DNAH14: variants seen among roughly 807,000 people sequenced by gnomAD.
DNAH14 encodes the protein dynein axonemal heavy chain 14.
Under a neutral mutation model 520.9 loss-of-function variants are expected in DNAH14, and 478 were observed. The observed-to-expected ratio is 0.92, with a 90% CI of 0.85 to 0.99. The LOEUF is 0.99. DNAH14 is among the 50% of genes least tolerant of loss of function. The pLI is 0.00. For missense variants in DNAH14, 4,831 were observed against 5,234.5 expected, an observed-to-expected ratio of 0.92 and a Z score of 2.38; for synonymous variants, 1,581 against 1,757.2, an observed-to-expected ratio of 0.90 and a Z score of 2.51.
chr1:225,175,143 G>A (rs769946239), intron 36 of DNAH14, among the ~76,000 whole-genome samples: 21 of 151,890 alleles, frequency 1.4e-4, no homozygotes, highest in Non-Finnish European at 7.4e-5. Flanking sequence ...TTCCTTTTTT[G>A]TTGTGTTCTT....
chr1:225,307,611 A>G, intron 59 of DNAH14, 42 bp downstream of exon 59: 2 of 1,430,912 alleles, frequency 1.4e-6, no homozygotes. Context: ...TTTATAGTCT[A>G]ATATAGAACA....
chr1:224,963,206 TC>T (rs914786311), intron 4 of DNAH14, among the ~76,000 whole-genome samples: 8 of 152,124 alleles, frequency 5.3e-5, no homozygotes, highest in African/African-American at 1.9e-4. Context: ...GTTATAAACA[TC>T]TTTTTAAAAT....
intron 12 of DNAH14, 86 bp from the exon 13 acceptor site, chr1:225,042,749 A>T: frequency 1.4e-6 from 2 of 1,396,656 alleles, no homozygotes; most frequent in Non-Finnish European, 1.9e-6. Context: ...ATGATTTCTC[A>T]TTTAAAATTT....
At chr1:224,947,974 A>G (rs555951438) in intron 1 of DNAH14, among the ~76,000 whole-genome samples, 1 of 152,030 alleles carries the variant, frequency 6.6e-6, no homozygotes, top group Non-Finnish European at 1.5e-5. Flanking sequence ...AAACTATGCC[A>G]TATGTGCTTA....
intron 17 of DNAH14, among the ~76,000 whole-genome samples, chr1:225,074,805 T>C (rs1305824275): frequency 6.6e-6 from 1 of 152,178 alleles, no homozygotes; most frequent in African/African-American, 2.4e-5. Flanking sequence ...GCAAACATAG[T>C]GGCCTGCCCC....
rs536867764 is a variant in DNAH14, at chr1:225,129,625, C to T, written c.4254+6011C>T. ...AAACTGGCTAGCCATATGTAGAAAG[C>T]TGAAACTGGATCCCTTCCTTACACC... On this transcript the variant is annotated intron_variant, in intron 27 of 85. Coordinates refer to ENST00000682510, the MANE Select transcript of DNAH14 (RefSeq NM_001367479.1). 5.9e-5 allele frequency among the ~76,000 whole-genome samples: 9 copies of T among 152,058 alleles called. No individual in the cohort carries two copies. The East Asian group carries it at 1.5e-3, about 26-fold the overall frequency.
chr1:225,268,948 T>C (rs2093218869), intron 49 of DNAH14, among the ~76,000 whole-genome samples: 1 of 152,182 alleles, frequency 6.6e-6, no homozygotes, highest in South Asian at 2.1e-4. Context: ...AAGCTACCAA[T>C]GACTTTCTTC....
intron 20 of DNAH14, 73 bp downstream of exon 20, chr1:225,082,812 A>G: frequency 8.2e-7 from 1 of 1,218,244 alleles, no homozygotes; most frequent in Admixed American, 2.6e-5. Context: ...GCGAGTAAAT[A>G]TACAATGGAT....
intron 4 of DNAH14, among the ~76,000 whole-genome samples, chr1:224,963,090 T>C (rs926814963): frequency 6.6e-6 from 1 of 152,158 alleles, no homozygotes; most frequent in Non-Finnish European, 1.5e-5. Flanking sequence ...GGGCCATTTA[T>C]CTTTTCCTGT....
At chr1:224,951,255 G>A (rs559856168) in intron 1 of DNAH14, among the ~76,000 whole-genome samples, 11 of 152,084 alleles carry the variant, frequency 7.2e-5, no homozygotes, top group Non-Finnish European at 1.5e-4. Flanking sequence ...CGAACTCCTG[G>A]CATCAAGTGA....
intron 42 of DNAH14, among the ~76,000 whole-genome samples, chr1:225,231,507 A>T (rs1024479220): frequency 6.6e-6 from 1 of 152,150 alleles, no homozygotes; most frequent in Non-Finnish European, 1.5e-5. Flanking sequence ...TTCATTTATA[A>T]AACTGGAATA....
At chr1:225,214,128 A>AT (rs1559313346) in intron 41 of DNAH14, among the ~76,000 whole-genome samples, 1 of 151,904 alleles carries the variant, frequency 6.6e-6, no homozygotes, top group African/African-American at 2.4e-5. Flanking sequence ...GAGCTGTTGA[A>AT]TTTTTTCGAA....
At chr1:224,951,672 A>T (rs968339406) in intron 1 of DNAH14, among the ~76,000 whole-genome samples, 16 of 113,646 alleles carry the variant, frequency 1.4e-4, no homozygotes, top group African/African-American at 5.5e-4. Flanking sequence ...TTTTTTTGAG[A>T]CGGAGTCTCG....
chr1:225,279,589 A>G (rs1420631273), intron 54 of DNAH14, among the ~76,000 whole-genome samples: 3 of 152,204 alleles, frequency 2.0e-5, no homozygotes, highest in Non-Finnish European at 4.4e-5. Flanking sequence ...ATGAATTTTA[A>G]AAGTAAATAT....
chr1:225,159,166 C>G, intron 34 of DNAH14, 148 bp from the exon 35 acceptor site: 1 of 639,874 alleles, frequency 1.6e-6, no homozygotes, highest in East Asian at 3.0e-5. Context: ...ATTAATTCCA[C>G]CCAAACCATA....
chr1:225,214,707 A>G (rs1312499555), intron 41 of DNAH14, among the ~76,000 whole-genome samples: 3 of 152,200 alleles, frequency 2.0e-5, no homozygotes, highest in African/African-American at 7.2e-5. Flanking sequence ...AGGTGTTTAT[A>G]GTATTCTCTG....
intron 1 of DNAH14, among the ~76,000 whole-genome samples, chr1:224,936,875 C>G (rs1406627111): frequency 6.6e-6 from 1 of 151,926 alleles, no homozygotes; most frequent in Non-Finnish European, 1.5e-5. Context: ...TCTCCATGAT[C>G]AATTGAGATT....
At chr1:224,971,176 C>T (rs1377925429) in intron 7 of DNAH14, among the ~76,000 whole-genome samples, 1 of 152,156 alleles carries the variant, frequency 6.6e-6, no homozygotes, top group Non-Finnish European at 1.5e-5. Context: ...TGATTCTTCA[C>T]AAAGTAGTTC....
intron 53 of DNAH14, 140 bp downstream of exon 53, chr1:225,276,221 GAA>G (rs921427414): frequency 6.0e-6 from 1 of 168,010 alleles, no homozygotes. Flanking sequence ...GAGCAAGAGA[GAA>G]AAAGAGAGAG....
Sources: gnomAD v4.1 joint callset for allele counts (sites outside exome capture counted in the v4.1 genomes callset) on GRCh38, gnomAD v4.1.1 for gene constraint, MANE v1.5 for transcripts, NCBI Gene and HGNC (gene_info 2026-07-23, HGNC 2026-07-21) for gene names.